Variants in EML5 observed in about 807,000 individuals in gnomAD.
The protein encoded by EML5 is EMAP like 5.
A neutral mutation model predicts 250.0 loss-of-function variants in EML5; 120 were observed. The ratio of observed to expected loss-of-function variants is 0.48; its 90% CI spans 0.41 to 0.56. The LOEUF (loss-of-function observed/expected upper bound fraction) is 0.56. Among genes scored for constraint, EML5 ranks in the 20% least tolerant of loss-of-function variants. EML5 has a pLI of 0.00. For missense variants in EML5, 2,006 were observed against 2,437.6 expected (o/e 0.82, Z 3.73); for synonymous variants, 771 against 806.5 (o/e 0.96, Z 0.75).
intron 1 of EML5, among the ~76,000 whole-genome samples, chr14:88,778,000 T>C (rs1055543775): frequency 6.6e-6 from 1 of 152,186 alleles, no homozygotes; most frequent in Non-Finnish European, 1.5e-5. Flanking sequence ...TTTTTAAAAA[T>C]GAGGGGACCA....
intron 1 of EML5, among the ~76,000 whole-genome samples, chr14:88,773,616 TAAAAAC>T (rs1199806864): frequency 6.6e-6 from 1 of 152,180 alleles, no homozygotes; most frequent in Non-Finnish European, 1.5e-5. Context: ...GCTTAAAAAT[TAAAAAC>T]AGAAACAAAC....
intron 2 of EML5, among the ~76,000 whole-genome samples, chr14:88,753,777 T>C (rs1281466476): frequency 3.9e-5 from 6 of 152,202 alleles, no homozygotes; most frequent in African/African-American, 1.2e-4. Context: ...AAATAACTCA[T>C]AGGAATTGTT....
At chr14:88,680,332 C>T (rs1203409543) in intron 21 of EML5, among the ~76,000 whole-genome samples, 3 of 151,660 alleles carry the variant, frequency 2.0e-5, no homozygotes, top group African/African-American at 7.3e-5. Context: ...ACAGAGAAAC[C>T]TTTTTTTTAA....
intron 1 of EML5, among the ~76,000 whole-genome samples, chr14:88,783,002 C>G (rs1231435374): frequency 6.6e-6 from 1 of 152,028 alleles, no homozygotes; most frequent in Non-Finnish European, 1.5e-5. Context: ...TCGCTTGAAC[C>G]CAAGAGCTGG....
At chr14:88,658,799 ATAGT>A (rs146103206) in intron 25 of EML5, among the ~76,000 whole-genome samples, 5,974 of 152,266 alleles carry the variant, frequency 0.039, 395 homozygotes, top group African/African-American at 0.13. Context: ...GTTCAAAGTA[ATAGT>A]TAATTACAAT....
intron 1 of EML5, among the ~76,000 whole-genome samples, chr14:88,770,153 T>G (rs945271315): frequency 6.6e-6 from 1 of 152,190 alleles, no homozygotes; most frequent in Admixed American, 6.5e-5. Context: ...AGTTTTGGTA[T>G]TCTCTGTTTA....
intron 21 of EML5, among the ~76,000 whole-genome samples, chr14:88,670,201 AT>A (rs1273962017): frequency 6.6e-6 from 1 of 151,452 alleles, no homozygotes; most frequent in African/African-American, 2.4e-5. Context: ...GGTGCCTGTA[AT>A]CCCAGCTACT....
rs1371216911 is a variant in EML5 at position 88,688,423 on chromosome 14, C to T, written c.2590G>A (p.Asp864Asn). The T allele has an allele frequency of 1.9e-6, 3 of 1,613,994 alleles. No individual in the cohort carries two copies. Among genetic ancestry groups the T allele is most frequent in the East Asian group, 4.5e-5 (2 of 44,876 alleles). Residue 864 changes from aspartate to asparagine, a missense_variant, in exon 18 of 44, where the codon GAC becomes AAC. Asp to Asn is a conservative substitution (Grantham distance 23). Around this residue, in one of 7 missense-constraint regions of EML5, gnomAD observed 1,375 missense variants for 1,590.3 expected, o/e 0.86. Coordinates refer to ENST00000554922, the MANE Select transcript of EML5 (RefSeq NM_183387.3). ...KGYIGTLGKN[D>N]TMMCAVYGWT... ...CCATACACTGCACACATCATTGTGT[C>T]ATTTTTCCCCAGTGTGCCTATGTAG... is the stretch of plus-strand genomic sequence containing the variant.
intron 10 of EML5, among the ~76,000 whole-genome samples, chr14:88,709,766 T>G (rs2093373892): frequency 6.6e-6 from 1 of 152,144 alleles, no homozygotes; most frequent in South Asian, 2.1e-4. Context: ...ATGACCCAAA[T>G]GTCCAATGAC....
rs1279831522 is a variant in EML5 at position 88,616,039 on chromosome 14, T to C, written c.5897+103A>G. On this transcript the variant is annotated intron_variant, in intron 43 of 43. Coordinates refer to ENST00000554922, the MANE Select transcript of EML5 (RefSeq NM_183387.3). ...ATCTGGTTATACTACCTTCTACTAA[T>C]GTTGACTAGCTGATTTCATAAACCA... 3.0e-6 allele frequency: 4 copies of C among 1,336,778 alleles called. No individual in the cohort carries two copies. In the African/African-American group the frequency reaches 5.9e-5, roughly 20 times the overall value. 82.8% of individuals were successfully genotyped at this position (1,336,778 alleles called of 1,614,324 possible).
Position 88,715,015 on chromosome 14 carries a change from A to G in EML5, c.1368T>C (p.His456=). 2.5e-6 allele frequency: 4 copies of G among 1,613,862 alleles called. No homozygotes were observed. The highest frequency in any genetic ancestry group is 3.4e-6 in the Non-Finnish European group (4 of 1,179,812). The change falls in exon 9 of 44, where the codon CAT becomes CAC. Residue 456 remains histidine (H), a synonymous_variant. Coordinates refer to ENST00000554922, the MANE Select transcript of EML5 (RefSeq NM_183387.3). ...ECLGSLSFIT[H]LDWSSDSRYL... is the part of the protein sequence containing the mutation. ...ATCTACTGTCTGAAGACCAGTCCAG[A>G]TGAGTGATGAAACTAAGGGATCCCA...
intron 27 of EML5, among the ~76,000 whole-genome samples, chr14:88,657,045 T>G (rs1299902118): frequency 2.0e-5 from 3 of 151,990 alleles, no homozygotes; most frequent in Non-Finnish European, 4.4e-5. Context: ...CAGGTAGGAG[T>G]GCAGTGGCAC....
chr14:88,778,892 T>C (rs755583670), intron 1 of EML5, among the ~76,000 whole-genome samples: 4 of 152,260 alleles, frequency 2.6e-5, no homozygotes, highest in Non-Finnish European at 4.4e-5. Context: ...GGATTTCATT[T>C]TTGGGCTTCT....
At chr14:88,720,930 T>A (rs1368823887) in intron 8 of EML5, among the ~76,000 whole-genome samples, 2 of 152,144 alleles carry the variant, frequency 1.3e-5, no homozygotes, top group African/African-American at 4.8e-5. Context: ...CAGCAAAGTC[T>A]CGGGATATAA....
intron 1 of EML5, among the ~76,000 whole-genome samples, chr14:88,787,783 T>C (rs79525416): frequency 0.012 from 1,891 of 152,242 alleles, 26 homozygotes; most frequent in Non-Finnish European, 0.02. Flanking sequence ...GGACATTTTA[T>C]TAAATATGTT....
intron 36 of EML5, chr14:88,623,326 T>C (rs912480672): frequency 6.6e-6 from 1 of 152,070 alleles, no homozygotes; most frequent in Non-Finnish European, 1.5e-5. Flanking sequence ...CTCATAATAC[T>C]TCTTGATTAG....
At chr14:88,729,771 G>A (rs1434794944) in intron 7 of EML5, among the ~76,000 whole-genome samples, 1 of 151,952 alleles carries the variant, frequency 6.6e-6, no homozygotes, top group African/African-American at 2.4e-5. Flanking sequence ...ATGTTGGCCA[G>A]GCTGGTCTTG....
At chr14:88,763,597 T>C (rs2094279709) in intron 1 of EML5, among the ~76,000 whole-genome samples, 1 of 152,158 alleles carries the variant, frequency 6.6e-6, no homozygotes, top group Non-Finnish European at 1.5e-5. Flanking sequence ...GCTGGTACCA[T>C]TCCTTCCAGA....
intron 20 of EML5, among the ~76,000 whole-genome samples, chr14:88,684,057 AC>A (rs2141195147): frequency 6.6e-6 from 1 of 151,840 alleles, no homozygotes; most frequent in East Asian, 2.0e-4. Flanking sequence ...TACACAGAAA[AC>A]CCTAAATAAT....
Sources: allele counts gnomAD v4.1 joint callset (sites outside exome capture counted in the v4.1 genomes callset), GRCh38; gene constraint gnomAD v4.1.1; regional missense constraint gnomAD v4.1.1; transcripts MANE v1.5; gene names NCBI Gene and HGNC (gene_info 2026-07-23, HGNC 2026-07-21).